The following MAP9 variants were observed in gnomAD, a reference collection of about 807,000 sequenced individuals.
MAP9 encodes microtubule-associated protein 9.
In MAP9, 80 loss-of-function variants were observed where a neutral mutation model predicts 75.2. The ratio of observed to expected loss-of-function variants is 1.06; its 90% CI spans 0.89 to 1.28. MAP9 has a LOEUF of 1.28. MAP9 is among the 50% of genes most tolerant of loss of function. The pLI, the probability that MAP9 is intolerant of heterozygous loss-of-function variation, is 0.00. For synonymous variants in MAP9, 235 were observed against 237.3 expected (o/e 0.99, Z 0.09); for missense variants, 753 against 719.9 (o/e 1.05, Z -0.53).
intron 3 of MAP9, among the ~76,000 whole-genome samples, chr4:155,374,346 A>AAAAC (rs71600374): frequency 5.3e-5 from 8 of 151,714 alleles, no homozygotes; most frequent in Middle Eastern, 3.4e-3. Context: ...CTCAAAAACA[A>AAAAC]AAACAAACAA....
intron 5 of MAP9, among the ~76,000 whole-genome samples, chr4:155,363,979 G>C (rs968284462): frequency 6.6e-6 from 1 of 152,014 alleles, no homozygotes. Context: ...CAGCTTATAG[G>C]TTTGGAAAGC....
chr4:155,371,428 T>C (rs1732589261), intron 4 of MAP9, among the ~76,000 whole-genome samples: 1 of 152,050 alleles, frequency 6.6e-6, no homozygotes, highest in South Asian at 2.1e-4. Flanking sequence ...CTAGCCTCAA[T>C]TTTTACTTTT....
chr4:155,354,961 T>C, intron 10 of MAP9, 110 bp downstream of exon 10: 1 of 502,792 alleles, frequency 2.0e-6, no homozygotes, highest in South Asian at 2.8e-5. Flanking sequence ...ATTTCTTTAA[T>C]ATACAAGTTA....
intron 10 of MAP9, among the ~76,000 whole-genome samples, chr4:155,353,898 G>C (rs1731639317): frequency 1.3e-5 from 2 of 152,144 alleles, no homozygotes; most frequent in Non-Finnish European, 2.9e-5. Context: ...AGACTGTATA[G>C]CAAGTTATGT....
chr4:155,366,157 G>T (rs1028703183), intron 5 of MAP9, among the ~76,000 whole-genome samples: 1 of 151,992 alleles, frequency 6.6e-6, no homozygotes, highest in Non-Finnish European at 1.5e-5. Flanking sequence ...TCAGGAGATC[G>T]AGACCATCCT....
chr4:155,354,190 C>G (rs1473655837), intron 10 of MAP9: 1 of 152,082 alleles, frequency 6.6e-6, no homozygotes, highest in Non-Finnish European at 1.5e-5. Context: ...AAATATTTTT[C>G]TTCTAAATCT....
rs1264396031 is a variant in MAP9, at chr4:155,346,413, A to G, written c.*1370T>C. ...AAGTTAAAACGTGTTTGTAACGTTG[A>G]TATTATGCAGAGGTCTTGACAGAAC... On this transcript the variant is annotated 3_prime_UTR_variant, in exon 14 of 14. Transcript: ENST00000311277. The G allele has an allele frequency of 2.0e-5, 3 of 152,184 alleles. No individual in the cohort carries two copies. Among genetic ancestry groups the G allele is most frequent in the Non-Finnish European group, 4.4e-5 (3 of 68,038 alleles). The allele number at this position is 152,184 out of a possible 1,614,324, so 9.4% of individuals were successfully genotyped here.
intron 7 of MAP9, among the ~76,000 whole-genome samples, chr4:155,357,998 T>G (rs538888112): frequency 1.3e-5 from 2 of 152,220 alleles, no homozygotes; most frequent in African/African-American, 4.8e-5. Flanking sequence ...GAGGAAGACG[T>G]GGTCAGGGAA....
Position 155,368,882 on chromosome 4 carries a change from T to TA in MAP9, c.482-71dup, listed in dbSNP as rs1303097054. 4.0e-6 allele frequency: 5 copies of TA among 1,262,616 alleles called. No individual in the cohort carries two copies. The African/African-American group carries it at 7.4e-5, about 19-fold the overall frequency. The allele number at this position is 1,262,616 out of a possible 1,614,324, so 78.2% of individuals were successfully genotyped here. On this transcript the variant is annotated intron_variant, in intron 4 of 13. Coordinates refer to ENST00000311277, the MANE Select transcript of MAP9 (RefSeq NM_001039580.2). The stretch of plus-strand genomic sequence containing the variant: ...TGGCTTTATCTATCTCTCTGGGTGC[T>TA]ACCATACTTCCCTCCTGTGCCTATG...
intron 13 of MAP9, chr4:155,352,274 G>C (rs1045481513): frequency 7.5e-5 from 18 of 240,768 alleles, no homozygotes; most frequent in Non-Finnish European, 8.8e-5. Context: ...TAGTAAACTT[G>C]TCTTCTTTCT....
chr4:155,359,100 T>C (rs1008324048), intron 7 of MAP9, among the ~76,000 whole-genome samples: 1 of 151,858 alleles, frequency 6.6e-6, no homozygotes, highest in Admixed American at 6.6e-5. Context: ...TAAATCATTA[T>C]ATAAAAAAGA....
At chr4:155,360,984 A>C (rs900939311) in intron 6 of MAP9, 1 of 152,268 alleles carries the variant, frequency 6.6e-6, no homozygotes, top group Non-Finnish European at 1.5e-5. Context: ...TTATCCTCTC[A>C]GTGCTCCAAG....
In MAP9 at chr4:155,350,239, T is replaced by C. The variant is rs910230872; in HGVS notation, c.1822-2334A>G. 17 of 454,008 alleles carry C rather than the reference T, an allele frequency of 3.7e-5. No individual in the cohort carries two copies. The Middle Eastern group carries it at 1.3e-3, about 35-fold the overall frequency. 28.1% of individuals were successfully genotyped at this position (454,008 alleles called of 1,614,324 possible). On this transcript the variant is annotated intron_variant, in intron 13 of 13. Coordinates refer to ENST00000311277, the MANE Select transcript of MAP9 (RefSeq NM_001039580.2). ...ATACAGGGGCAATTTTTCTATTCTA[T>C]CTGCAAACAAATTTCAATAAGAATT...
At chr4:155,357,250 C>T (rs1731833775) in intron 8 of MAP9, 199 bp downstream of exon 8, 2 of 541,752 alleles carry the variant, frequency 3.7e-6, no homozygotes, top group Non-Finnish European at 6.6e-6. Context: ...AATAGACTTA[C>T]TTTTTATAAA....
intron 7 of MAP9, among the ~76,000 whole-genome samples, chr4:155,358,479 T>C (rs140762901): frequency 1.4e-3 from 211 of 152,284 alleles, no homozygotes; most frequent in African/African-American, 4.7e-3. Flanking sequence ...TATAAAAGTA[T>C]TGCTCAAACA....
In MAP9 at chr4:155,355,086, C is replaced by A; in HGVS notation, c.1365G>T (p.Arg455Ser). The A allele has an allele frequency of 7.1e-7, 1 of 1,404,012 alleles. No homozygotes were observed. 87.0% of individuals were successfully genotyped at this position (1,404,012 alleles called of 1,614,324 possible). A position where few individuals can be genotyped will look rare whatever the true frequency, so the allele number is the denominator to read the frequency against. The change falls in exon 10 of 14, where the codon AGG becomes AGT. Residue 455 changes from arginine to serine, a missense_variant. Coordinates refer to ENST00000311277, the MANE Select transcript of MAP9 (RefSeq NM_001039580.2). ...GTCAGAATACCTGTTCATTTTGGATCCTTAAGTTTTCACTTTCAATTCTTT... is the reference window on the plus strand; with the variant it reads ...GTCAGAATACCTGTTCATTTTGGATACTTAAGTTTTCACTTTCAATTCTTT... ...RIKRIESENL[R>S]IQNEQKKAAK...
intron 5 of MAP9, among the ~76,000 whole-genome samples, chr4:155,366,499 AC>A (rs1205878839): frequency 6.6e-6 from 1 of 152,218 alleles, no homozygotes; most frequent in Non-Finnish European, 1.5e-5. Flanking sequence ...AATGGCCAAA[AC>A]TGCAATTACT....
At chr4:155,369,344 ACC>A (rs367943302) in intron 4 of MAP9, among the ~76,000 whole-genome samples, 9 of 138,900 alleles carry the variant, frequency 6.5e-5, no homozygotes, top group South Asian at 4.5e-4. Context: ...AAAAAAAAAA[ACC>A]AAACAACAAC....
intron 13 of MAP9, 27 bp from the exon 14 acceptor site, chr4:155,347,932 T>A: frequency 7.7e-7 from 1 of 1,306,252 alleles, no homozygotes; most frequent in Non-Finnish European, 1.1e-6. Flanking sequence ...ACACTATAAA[T>A]TTATGTACAT....
Sources: allele counts gnomAD v4.1 joint callset (sites outside exome capture counted in the v4.1 genomes callset), GRCh38; gene constraint gnomAD v4.1.1; transcripts MANE v1.5; gene names NCBI Gene and HGNC (gene_info 2026-07-23, HGNC 2026-07-21).